Variants in SHISA9 observed in about 807,000 individuals in gnomAD.
The protein encoded by SHISA9 is protein shisa-9.
In SHISA9, 13 loss-of-function variants were observed where a neutral mutation model predicts 38.0. The ratio of observed to expected loss-of-function variants is 0.34; its 90% CI spans 0.22 to 0.54. The LOEUF (loss-of-function observed/expected upper bound fraction) is 0.54, where lower values mean the gene tolerates loss of function less well. SHISA9 is among the 20% of genes least tolerant of loss of function. SHISA9 has a pLI of 0.91. For missense variants in SHISA9, 538 were observed against 575.8 expected (o/e 0.93, Z 0.67); for synonymous variants, 275 against 242.0 (o/e 1.14, Z -1.27).
chr16:13,311,178 C>CA, the SHISA9 span, among the ~76,000 whole-genome samples: 1 of 151,882 alleles, frequency 6.6e-6, no homozygotes, highest in South Asian at 2.1e-4. Flanking sequence ...AAGATTTCTC[C>CA]AAAACAAAGA....
At chr16:13,447,189 C>G in the SHISA9 span, among the ~76,000 whole-genome samples, 1 of 152,166 alleles carries the variant, frequency 6.6e-6, no homozygotes, top group African/African-American at 2.4e-5. Context: ...ACCACCCTGT[C>G]CCTTTCACAT....
At chr16:13,529,470 CCATTCTGGGGCCAATG>C in the SHISA9 span, among the ~76,000 whole-genome samples, 3 of 152,206 alleles carry the variant, frequency 2.0e-5, no homozygotes, top group Non-Finnish European at 4.4e-5. Flanking sequence ...AGATATCTCA[CCATTCTGGGGCCAATG>C]CATAATCTCC....
At chr16:13,135,658 C>G (rs1005340463) in intron 2 of SHISA9, among the ~76,000 whole-genome samples, 1 of 152,148 alleles carries the variant, frequency 6.6e-6, no homozygotes, top group African/African-American at 2.4e-5. Context: ...CAAATTGTAT[C>G]TCAACATCTG....
chr16:12,924,272 T>C (rs967815523), intron 2 of SHISA9, among the ~76,000 whole-genome samples: 14 of 152,158 alleles, frequency 9.2e-5, no homozygotes, highest in African/African-American at 2.7e-4. Context: ...TGGGCAGGGA[T>C]GCATTTGCTT....
the SHISA9 span, among the ~76,000 whole-genome samples, chr16:13,502,833 C>T: frequency 1.9e-4 from 29 of 151,992 alleles, no homozygotes; most frequent in Admixed American, 1.1e-3. Flanking sequence ...GCTAAGATCA[C>T]GCCACCACAC....
chr16:13,251,728 TC>T, the SHISA9 span, among the ~76,000 whole-genome samples: 1 of 152,160 alleles, frequency 6.6e-6, no homozygotes, highest in Non-Finnish European at 1.5e-5. Context: ...TAGGATACTT[TC>T]CAAAATAAAT....
chr16:13,047,742 C>T (rs1003849395), intron 2 of SHISA9, among the ~76,000 whole-genome samples: 23 of 152,108 alleles, frequency 1.5e-4, no homozygotes, highest in Non-Finnish European at 4.4e-5. Context: ...TTATCTCACT[C>T]GAGGCTCACA....
chr16:12,918,339 A>G (rs2141723541), intron 2 of SHISA9, among the ~76,000 whole-genome samples: 1 of 152,334 alleles, frequency 6.6e-6, no homozygotes, highest in East Asian at 1.9e-4. Flanking sequence ...GACATCGTAT[A>G]CAAATGAACA....
At chr16:13,149,898 C>G (rs999392822) in intron 2 of SHISA9, among the ~76,000 whole-genome samples, 13 of 146,272 alleles carry the variant, frequency 8.9e-5, no homozygotes, top group Non-Finnish European at 1.9e-4. Flanking sequence ...GCACTCCAGC[C>G]TGGGTGATAG....
At chr16:13,330,125 C>T in the SHISA9 span, among the ~76,000 whole-genome samples, 4 of 152,180 alleles carry the variant, frequency 2.6e-5, no homozygotes, top group Non-Finnish European at 4.4e-5. Flanking sequence ...ACTATATGGC[C>T]GAGGGGCCAT....
At chr16:13,049,170 G>T (rs71388736) in intron 2 of SHISA9, among the ~76,000 whole-genome samples, 1 of 140,118 alleles carries the variant, frequency 7.1e-6, no homozygotes, top group Non-Finnish European at 1.6e-5. Flanking sequence ...GTGTGTGTGT[G>T]TGTGTGTGTG....
intron 2 of SHISA9, among the ~76,000 whole-genome samples, chr16:12,996,824 TAAA>T (rs1021268181): frequency 1.3e-5 from 2 of 152,108 alleles, no homozygotes; most frequent in Admixed American, 1.3e-4. Flanking sequence ...ATTTTAATTT[TAAA>T]AAAAGTTTCG....
chr16:13,135,657 T>C (rs1027892969), intron 2 of SHISA9, among the ~76,000 whole-genome samples: 1 of 152,160 alleles, frequency 6.6e-6, no homozygotes, highest in Non-Finnish European at 1.5e-5. Context: ...CCAAATTGTA[T>C]CTCAACATCT....
chr16:13,380,040 A>G, the SHISA9 span, among the ~76,000 whole-genome samples: 5 of 152,154 alleles, frequency 3.3e-5, no homozygotes, highest in Admixed American at 6.6e-5. Flanking sequence ...GTTGGAAGAT[A>G]AAATTAAGAA....
chr16:13,481,813 T>C, the SHISA9 span, among the ~76,000 whole-genome samples: 1 of 152,216 alleles, frequency 6.6e-6, no homozygotes, highest in African/African-American at 2.4e-5. Context: ...GGAAGCTATC[T>C]TTCCCCCAAA....
chr16:13,423,833 C>T, the SHISA9 span, among the ~76,000 whole-genome samples: 2 of 152,286 alleles, frequency 1.3e-5, no homozygotes, highest in South Asian at 4.1e-4. Context: ...TTCTAGCTGT[C>T]AACCAAAGGC....
intron 2 of SHISA9, among the ~76,000 whole-genome samples, chr16:13,119,580 A>G (rs1277167338): frequency 6.6e-6 from 1 of 152,228 alleles, no homozygotes; most frequent in African/African-American, 2.4e-5. Flanking sequence ...AACAATCGCT[A>G]ATCATTAATA....
the SHISA9 span, among the ~76,000 whole-genome samples, chr16:13,465,805 G>A: frequency 6.6e-6 from 1 of 152,228 alleles, no homozygotes. Flanking sequence ...TGTAGAGGCT[G>A]GCCAACTATG....
the SHISA9 span, among the ~76,000 whole-genome samples, chr16:13,540,523 T>C: frequency 6.6e-6 from 1 of 152,224 alleles, no homozygotes; most frequent in South Asian, 2.1e-4. Flanking sequence ...GTGCTCTCCA[T>C]TGCAATGAGT....
Sources: allele counts gnomAD v4.1 joint callset (sites outside exome capture counted in the v4.1 genomes callset), GRCh38; gene constraint gnomAD v4.1.1; transcripts MANE v1.5; gene names NCBI Gene and HGNC (gene_info 2026-07-23, HGNC 2026-07-21).